ZBTB46: variants seen among roughly 807,000 people sequenced by gnomAD.
ZBTB46 encodes the protein zinc finger and BTB domain-containing protein 46.
In ZBTB46, 8 loss-of-function variants were observed where a neutral mutation model predicts 44.1. The observed-to-expected ratio is 0.18, with a 90% confidence interval of 0.11 to 0.33. ZBTB46 has a LOEUF of 0.33. ZBTB46 is among the 10% of genes least tolerant of loss of function. The pLI, the probability that ZBTB46 is intolerant of heterozygous loss-of-function variation, is 1.00. For missense variants in ZBTB46, 651 were observed against 847.7 expected (o/e 0.77, Z 2.88); for synonymous variants, 409 against 382.3 (o/e 1.07, Z -0.81).
chr20:63,802,347 G>A (rs529924222), intron 1 of ZBTB46, among the ~76,000 whole-genome samples: 16 of 152,126 alleles, frequency 1.1e-4, no homozygotes, highest in Non-Finnish European at 1.9e-4. Context: ...CACTTGAACC[G>A]GGAGACGGAG....
intron 2 of ZBTB46, among the ~76,000 whole-genome samples, chr20:63,784,028 G>A (rs1417845240): frequency 6.6e-6 from 1 of 152,158 alleles, no homozygotes; most frequent in Admixed American, 6.5e-5. Context: ...AACCTCAGAG[G>A]TAACTCCCTG....
Position 63,790,104 on chromosome 20 carries a change from A to T in ZBTB46, c.654T>A (p.Pro218=). The change falls in exon 2 of 5, where the codon CCT becomes CCA. Residue 218 remains proline, a synonymous_variant. Transcript: ENST00000245663. The stretch of plus-strand genomic sequence containing the variant: ...GCAGAGGCCCGTAGCCCACGTCTCC[A>T]GGCCATAGAGGCTGTGAAGAAACAT... ...PDDVSSQPLW[P]GDVGYGPLRI... is the part of the protein sequence containing the mutation. 1 of 1,614,006 alleles carries T rather than the reference A, an allele frequency of 6.2e-7. No individual in the cohort carries two copies. Among genetic ancestry groups the T allele is most frequent in the Non-Finnish European group, 8.5e-7 (1 of 1,180,008 alleles).
rs2092525799 is a variant in ZBTB46 at position 63,787,544 on chromosome 20, A to G, written c.937+2277T>C. 6.6e-6 allele frequency among the ~76,000 whole-genome samples: 1 copy of G among 152,106 alleles called. No homozygotes were observed. The highest frequency in any genetic ancestry group is 1.5e-5 in the Non-Finnish European group (1 of 68,018). On this transcript the variant is annotated intron_variant, in intron 2 of 4. Transcript: ENST00000245663. The surrounding 1 kb of genome is among the most constrained non-coding windows in gnomAD (Gnocchi z 4.6). ...ATGTTTAGACACACAAACACTTCCC[A>G]TGGTGCCACAGCTGCCTGCAGTGCT... is the stretch of plus-strand genomic sequence containing the variant.
intron 1 of ZBTB46, among the ~76,000 whole-genome samples, chr20:63,791,278 A>G (rs1262014010): frequency 6.6e-6 from 1 of 152,116 alleles, no homozygotes; most frequent in Non-Finnish European, 1.5e-5. Flanking sequence ...GGTGGAGCAC[A>G]AGGTCAGGAG....
Position 63,803,988 on chromosome 20 carries a change from T to C in ZBTB46, c.-33-13198A>G, listed in dbSNP as rs1281499409. ...CGCTGGGATGATAGGCGTGAGCCAC[T>C]GCACCGACATAACGTCACTTCCTTC... On this transcript the variant is annotated intron_variant, in intron 1 of 4. Transcript: ENST00000245663. This position sits in a 1 kb window ranked among gnomAD's most constrained non-coding sequence, Gnocchi z 4.0. 6.6e-6 allele frequency among the ~76,000 whole-genome samples: 1 copy of C among 152,170 alleles called. No individual in the cohort carries two copies. Among genetic ancestry groups the C allele is most frequent in the Non-Finnish European group, 1.5e-5 (1 of 68,026 alleles).
Position 63,831,172 on chromosome 20 carries a change from G to A in ZBTB46, c.-109C>T, listed in dbSNP as rs1162610804. ...GGCGCCGGTGATCGCCGCCGCCGCCGGGAGGGCGCTGCGTCCGGGCGGGTC... is the reference window on the plus strand; with the variant it reads ...GGCGCCGGTGATCGCCGCCGCCGCCAGGAGGGCGCTGCGTCCGGGCGGGTC... On this transcript the variant is annotated 5_prime_UTR_variant, in exon 1 of 5. Transcript: ENST00000245663. 6 of 142,808 alleles carry A rather than the reference G, an allele frequency of 4.2e-5. No homozygotes were observed. Among genetic ancestry groups the A allele is most frequent in the Admixed American group, 4.1e-4 (6 of 14,528 alleles). 8.8% of individuals were successfully genotyped at this position (142,808 alleles called of 1,614,324 possible).
chr20:63,786,313 C>T (rs1342867855), intron 2 of ZBTB46, among the ~76,000 whole-genome samples: 1 of 152,200 alleles, frequency 6.6e-6, no homozygotes, highest in African/African-American at 2.4e-5. Flanking sequence ...AAACGATTTT[C>T]CCAACTGCTA....
In ZBTB46 at chr20:63,752,129, G is replaced by A. The variant is rs899364785; in HGVS notation, c.1398+557C>T. Among the ~76,000 whole-genome samples the A allele has an allele frequency of 1.3e-5, 2 of 152,072 alleles. No individual in the cohort carries two copies. Among genetic ancestry groups the A allele is most frequent in the African/African-American group, 4.8e-5 (2 of 41,400 alleles). The stretch of plus-strand genomic sequence containing the variant: ...GCTCTGGGCTGCCTGTGCCCCACCC[G>A]CCTCACTGGTTGATCTCACCCACTT... On this transcript the variant is annotated intron_variant, in intron 4 of 4. Coordinates refer to ENST00000245663, the MANE Select transcript of ZBTB46 (RefSeq NM_001369741.1). The surrounding 1 kb of genome is among the most constrained non-coding windows in gnomAD (Gnocchi z 5.6).
upstream of ZBTB46, among the ~76,000 whole-genome samples, chr20:63,832,619 C>A (rs2092857917): frequency 6.6e-6 from 1 of 152,198 alleles, no homozygotes; most frequent in African/African-American, 2.4e-5. The surrounding 1 kb of genome is among the most constrained non-coding windows in gnomAD (Gnocchi z 5.0). Context: ...TTACTGCCGT[C>A]GCGGGCGCCT....
chr20:63,743,704 C>T lies in ZBTB46; in HGVS notation c.*3226G>A, dbSNP rs958757200. The T allele has an allele frequency of 6.6e-6, 1 of 152,384 alleles. No homozygotes were observed. Among genetic ancestry groups the T allele is most frequent in the Admixed American group, 6.5e-5 (1 of 15,282 alleles). 9.4% of individuals were successfully genotyped at this position (152,384 alleles called of 1,614,324 possible). A position where few individuals can be genotyped will look rare whatever the true frequency, so the allele number is the denominator to read the frequency against. On this transcript the variant is annotated 3_prime_UTR_variant, in exon 5 of 5. Coordinates refer to ENST00000245663, the MANE Select transcript of ZBTB46 (RefSeq NM_001369741.1). Reference sequence around the variant, plus strand: ...AATTTCCCAATTTATTGAAAGTGATCGCTTTGCAAGGATGTCTAAGCTAAT... The same window carrying T: ...AATTTCCCAATTTATTGAAAGTGATTGCTTTGCAAGGATGTCTAAGCTAAT...
chr20:63,799,880 G>A (rs947836278), intron 1 of ZBTB46, among the ~76,000 whole-genome samples: 4 of 152,170 alleles, frequency 2.6e-5, no homozygotes, highest in African/African-American at 7.2e-5. Flanking sequence ...ATGGAACGGT[G>A]CAGCCGCTGT....
rs2092077847 is a variant in ZBTB46, at chr20:63,745,311, CCT to C, written c.*1617_*1618del. The C allele has an allele frequency of 6.6e-6, 1 of 152,250 alleles. No homozygotes were observed. Among genetic ancestry groups the C allele is most frequent in the Non-Finnish European group, 1.5e-5 (1 of 68,050 alleles). The allele number at this position is 152,250 out of a possible 1,614,324, so 9.4% of individuals were successfully genotyped here. On this transcript the variant is annotated 3_prime_UTR_variant, in exon 5 of 5. Transcript: ENST00000245663. ...GTGATGACAGCTCCAGCCAGGGCACCCTGTCATTGGTAGAACCGGGGGCCAAT... is the reference window on the plus strand; with the variant it reads ...GTGATGACAGCTCCAGCCAGGGCACCGTCATTGGTAGAACCGGGGGCCAAT...
At position 63,767,128 on chromosome 20, in the gene ZBTB46, G is replaced by A. The variant is rs888520662; in HGVS notation, c.1222+8550C>T. On this transcript the variant is annotated intron_variant, in intron 3 of 4. Transcript: ENST00000245663. The surrounding 1 kb of genome is among the most constrained non-coding windows in gnomAD (Gnocchi z 5.0). ...AAGCAGCACATTCCCGTAATTCCACGCCGACACGTGGAGCGCCGCGCACAT... is the reference window on the plus strand; with the variant it reads ...AAGCAGCACATTCCCGTAATTCCACACCGACACGTGGAGCGCCGCGCACAT... 9.2e-5 allele frequency among the ~76,000 whole-genome samples: 14 copies of A among 152,186 alleles called. No homozygotes were observed. Among genetic ancestry groups the A allele is most frequent in the Admixed American group, 3.3e-4 (5 of 15,292 alleles).
At chr20:63,770,166 G>T (rs1478037102) in intron 3 of ZBTB46, among the ~76,000 whole-genome samples, 1 of 152,238 alleles carries the variant, frequency 6.6e-6, no homozygotes, top group Non-Finnish European at 1.5e-5. Flanking sequence ...CGGCCGACCG[G>T]CCGGCGGCGC....
intron 2 of ZBTB46, among the ~76,000 whole-genome samples, chr20:63,781,529 G>A (rs914566523): frequency 6.6e-6 from 1 of 152,334 alleles, no homozygotes; most frequent in South Asian, 2.1e-4. Context: ...GGCGTCTCAC[G>A]TCTGTCATGC....
intron 1 of ZBTB46, among the ~76,000 whole-genome samples, chr20:63,818,737 A>C (rs1410892191): frequency 6.6e-6 from 1 of 151,762 alleles, no homozygotes; most frequent in Non-Finnish European, 1.5e-5. Context: ...AGACACCTGT[A>C]ATCCCAGCTA....
In ZBTB46 at chr20:63,826,331, A is replaced by T. The variant is rs138976263; in HGVS notation, c.-34+4766T>A. 6.6e-3 allele frequency among the ~76,000 whole-genome samples: 1,008 copies of T among 152,342 alleles called. 5 individuals carry two copies. Among genetic ancestry groups the T allele is most frequent in the African/African-American group, 0.023 (945 of 41,570 alleles). ...GTGGCTCTTTTCCATTTTGGGGGAAACTGAGAAGGACTGAGTCGCTAGTAA... is the reference window on the plus strand; with the variant it reads ...GTGGCTCTTTTCCATTTTGGGGGAATCTGAGAAGGACTGAGTCGCTAGTAA... On this transcript the variant is annotated intron_variant, in intron 1 of 4. Transcript: ENST00000245663.
chr20:63,782,688 A>ACCCACGC (rs1482868722), intron 2 of ZBTB46, among the ~76,000 whole-genome samples: 9 of 152,014 alleles, frequency 5.9e-5, no homozygotes, highest in African/African-American at 2.2e-4. Context: ...ATGCCCCACG[A>ACCCACGC]CCCACGCCCC....
intron 1 of ZBTB46, among the ~76,000 whole-genome samples, chr20:63,817,108 A>T (rs1041832064): frequency 1.4e-5 from 2 of 143,918 alleles, no homozygotes; most frequent in Non-Finnish European, 3.0e-5. Flanking sequence ...TCAGTCTCAA[A>T]AAAAAAAAGA....
Sources: gnomAD v4.1 joint callset for allele counts (sites outside exome capture counted in the v4.1 genomes callset) on GRCh38, gnomAD v4.1.1 for gene constraint, Gnocchi (gnomAD v3.1) non-coding constraint, MANE v1.5 for transcripts, NCBI Gene and HGNC (gene_info 2026-07-23, HGNC 2026-07-21) for gene names.